Variants in KANSL2 observed in about 807,000 individuals in gnomAD.
KANSL2 encodes NSL complex protein NSL2.
A neutral mutation model predicts 55.6 loss-of-function variants in KANSL2; 34 were observed. That is an observed-to-expected ratio of 0.61 (90% CI 0.46 to 0.81). The LOEUF is 0.81. Ranked by LOEUF, KANSL2 falls within the 40% of genes least tolerant of loss-of-function variation. The pLI, the probability that KANSL2 is intolerant of heterozygous loss-of-function variation, is 0.00. For synonymous variants in KANSL2, 209 were observed against 214.3 expected (o/e 0.98, Z 0.22); for missense variants, 502 against 609.9 (o/e 0.82, Z 1.86).
At chr12:48,660,842 T>TGTCCCCAACCTCCTTTTCAG (rs1436099567) in intron 7 of KANSL2, among the ~76,000 whole-genome samples, 6 of 152,328 alleles carry the variant, frequency 3.9e-5, no homozygotes, top group African/African-American at 1.4e-4. Context: ...ATTTAAAACT[T>TGTCCCCAACCTCCTTTTCAG]GTCCCCAACC....
intron 5 of KANSL2, among the ~76,000 whole-genome samples, chr12:48,669,891 A>G (rs527551291): frequency 1.2e-4 from 19 of 152,228 alleles, no homozygotes; most frequent in African/African-American, 4.6e-4. Flanking sequence ...AACCTACTGC[A>G]CTGCCAGTTA....
Position 48,667,685 on chromosome 12 carries a change from A to G in KANSL2, c.973+8T>C, listed in dbSNP as rs980917212. On this transcript the variant is annotated splice_region_variant and intron_variant, in intron 7 of 9. Transcript: ENST00000420613. ...ACCACAGCCTTAACAGGCAGAGTAA[A>G]AAGATACGGGTAAGGCAGTGTCTGG... 1 of 1,603,340 alleles carries G rather than the reference A, an allele frequency of 6.2e-7. No homozygotes were observed. The highest frequency in any genetic ancestry group is 8.5e-7 in the Non-Finnish European group (1 of 1,170,192).
intron 4 of KANSL2, among the ~76,000 whole-genome samples, chr12:48,677,224 G>A (rs1051646127): frequency 6.6e-6 from 1 of 152,162 alleles, no homozygotes; most frequent in Non-Finnish European, 1.5e-5. Context: ...CTCTAGGAGA[G>A]AGTGACATCA....
chr12:48,679,811 C>T lies in KANSL2; in HGVS notation c.274G>A (p.Val92Ile). ...TGAAGTGCCAGGGCATTCCTACGGA[C>T]ATGTTCAGCACAGAAGGACACCCTG... ...KDGVSFCAEHVRRNALALHAQ... is the reference protein window; with the variant it reads ...KDGVSFCAEHIRRNALALHAQ... Residue 92 changes from valine (V) to isoleucine (I), a missense_variant, in exon 3 of 10, where the codon GTC becomes ATC. Transcript: ENST00000420613. 1 of 1,604,918 alleles carries T rather than the reference C, an allele frequency of 6.2e-7. No individual in the cohort carries two copies. Among genetic ancestry groups the T allele is most frequent in the Non-Finnish European group, 8.5e-7 (1 of 1,175,400 alleles).
intron 3 of KANSL2, among the ~76,000 whole-genome samples, chr12:48,679,394 T>C (rs1939881182): frequency 6.6e-6 from 1 of 152,188 alleles, no homozygotes; most frequent in Non-Finnish European, 1.5e-5. Context: ...TTAAAATTAC[T>C]GTTTCCTGAA....
At chr12:48,680,894 C>A (rs546916135) in intron 2 of KANSL2, among the ~76,000 whole-genome samples, 9 of 151,496 alleles carry the variant, frequency 5.9e-5, no homozygotes, top group African/African-American at 2.2e-4. Context: ...ATCGCTTGAA[C>A]CTGGAAGGAG....
At chr12:48,659,922 T>C (rs566364014) in intron 8 of KANSL2, among the ~76,000 whole-genome samples, 3 of 152,296 alleles carry the variant, frequency 2.0e-5, no homozygotes, top group Non-Finnish European at 4.4e-5. Flanking sequence ...ATTACATTGA[T>C]ATGAAATGTC....
chr12:48,671,677 A>G (rs1592105743), intron 5 of KANSL2, 122 bp downstream of exon 5: 2 of 1,014,302 alleles, frequency 2.0e-6, no homozygotes, highest in Non-Finnish European at 2.9e-6. Context: ...CACTCCATGA[A>G]GTTTGAATGA....
intron 4 of KANSL2, among the ~76,000 whole-genome samples, chr12:48,672,435 T>A (rs4760738): frequency 2.5e-3 from 258 of 104,888 alleles, no homozygotes; most frequent in Admixed American, 3.2e-3. Flanking sequence ...ATATATATAT[T>A]TTTTTTTTGA....
At chr12:48,675,412 A>C (rs1334072093) in intron 4 of KANSL2, among the ~76,000 whole-genome samples, 2 of 152,228 alleles carry the variant, frequency 1.3e-5, no homozygotes, top group Non-Finnish European at 2.9e-5. Flanking sequence ...CTCAAAAATA[A>C]ATACATAACG....
intron 8 of KANSL2, among the ~76,000 whole-genome samples, chr12:48,658,415 T>C (rs1227276380): frequency 6.6e-6 from 1 of 152,188 alleles, no homozygotes; most frequent in Non-Finnish European, 1.5e-5. Flanking sequence ...AAATGCCTAT[T>C]AAAACAGGAG....
In KANSL2 at chr12:48,656,916, G is replaced by A. The variant is rs1316951246; in HGVS notation, c.1228-1856C>T. On this transcript the variant is annotated intron_variant, in intron 8 of 9. Coordinates refer to ENST00000420613, the MANE Select transcript of KANSL2 (RefSeq NM_017822.4). ...TTTGTACCCCCCTATGTTTAATCCA[G>A]TTTATAGATGCTCCGTGTTTCTATT... The A allele has an allele frequency of 1.4e-5, 4 of 288,126 alleles. No individual in the cohort carries two copies. The Admixed American group carries it at 1.8e-4, about 13-fold the overall frequency. The allele number at this position is 288,126 out of a possible 1,614,324, so 17.8% of individuals were successfully genotyped here.
At chr12:48,673,511 G>C (rs967963965) in intron 4 of KANSL2, among the ~76,000 whole-genome samples, 2 of 150,890 alleles carry the variant, frequency 1.3e-5, no homozygotes, top group Non-Finnish European at 2.9e-5. Flanking sequence ...AGTGAGCTGA[G>C]ATCGTGCCAC....
chr12:48,664,577 CTTTTTTT>C (rs35805896), intron 7 of KANSL2, among the ~76,000 whole-genome samples: 2 of 62,034 alleles, frequency 3.2e-5, no homozygotes, highest in African/African-American at 6.1e-5. Context: ...CGCACCTGGC[CTTTTTTT>C]TTTTTTTTTT....
intron 7 of KANSL2, among the ~76,000 whole-genome samples, chr12:48,661,890 T>C (rs560171981): frequency 6.6e-6 from 1 of 152,180 alleles, no homozygotes; most frequent in South Asian, 2.1e-4. Context: ...CATTGCCAAC[T>C]GGAAAACAAA....
intron 3 of KANSL2, 153 bp from the exon 4 acceptor site, chr12:48,679,303 C>T (rs1477311100): frequency 8.7e-6 from 6 of 692,362 alleles, no homozygotes; most frequent in East Asian, 2.7e-5. Flanking sequence ...CAAATAAAAA[C>T]GCTTTAAGAA....
At chr12:48,661,081 T>G in intron 7 of KANSL2, 1 of 269,096 alleles carries the variant, frequency 3.7e-6, no homozygotes. Flanking sequence ...GGACCTCGTT[T>G]CCAAAGATGA....
Position 48,660,387 on chromosome 12 carries a change from A to C in KANSL2, c.1206T>G (p.Ser402Arg). 4 of 1,613,760 alleles carry C rather than the reference A, an allele frequency of 2.5e-6. No homozygotes were observed. Among genetic ancestry groups the C allele is most frequent in the Non-Finnish European group, 3.4e-6 (4 of 1,179,794 alleles). ...LSAAELQPTE[S>R]LPLEFSDDLD... ...TTACATCACTGAACTCCAGAGGTAA[A>C]CTCTCAGTGGGCTGAAGCTCAGCAG... is the stretch of plus-strand genomic sequence containing the variant. The change falls in exon 8 of 10, where the codon AGT becomes AGG. Residue 402 changes from serine (S) to arginine (R), a missense_variant. Ser to Arg is a moderately radical substitution (Grantham distance 110). Coordinates refer to ENST00000420613, the MANE Select transcript of KANSL2 (RefSeq NM_017822.4).
chr12:48,669,853 C>G (rs139819045), intron 5 of KANSL2, among the ~76,000 whole-genome samples: 1 of 152,216 alleles, frequency 6.6e-6, no homozygotes, highest in East Asian at 1.9e-4. Context: ...TAGTTCAACC[C>G]ACACATTTGT....
Sources: allele counts gnomAD v4.1 joint callset (sites outside exome capture counted in the v4.1 genomes callset), GRCh38; gene constraint gnomAD v4.1.1; transcripts MANE v1.5; gene names NCBI Gene and HGNC (gene_info 2026-07-23, HGNC 2026-07-21).